Variants in SLC17A1 observed in about 807,000 individuals in gnomAD.
SLC17A1 encodes solute carrier family 17 member 1.
SLC17A1 carries 51 observed loss-of-function variants against 53.5 expected under a neutral mutation model. The ratio of observed to expected loss-of-function variants is 0.95; its 90% CI spans 0.76 to 1.20. SLC17A1 has a LOEUF of 1.20. Among genes scored for constraint, SLC17A1 ranks in the 50% most tolerant of loss-of-function variants. SLC17A1 has a pLI of 0.00. For synonymous variants in SLC17A1, 179 were observed against 198.8 expected, an observed-to-expected ratio of 0.90 and a Z score of 0.84; for missense variants, 538 against 568.2, an observed-to-expected ratio of 0.95 and a Z score of 0.54.
At chr6:25,782,437 G>T (rs115050039), downstream of SLC17A1, among the ~76,000 whole-genome samples, 318 of 152,266 alleles carry the variant, frequency 2.1e-3, 1 homozygote, top group Non-Finnish European at 3.7e-3. Flanking sequence ...TATACAGTAA[G>T]TGCCAGTAAA....
chr6:25,776,561 G>A, the SLC17A1 span: 1 of 1,566,000 alleles, frequency 6.4e-7, no homozygotes, highest in Non-Finnish European at 8.7e-7. Context: ...GGGTGGTAAG[G>A]GCACATGCAC....
chr6:25,727,320 C>T, the SLC17A1 span: 2 of 1,548,790 alleles, frequency 1.3e-6, no homozygotes, highest in South Asian at 1.3e-5. Flanking sequence ...CATTTCTAAC[C>T]CAAAGGCTCT....
At chr6:25,723,989 C>A in the SLC17A1 span, among the ~76,000 whole-genome samples, 1 of 152,070 alleles carries the variant, frequency 6.6e-6, no homozygotes, top group Non-Finnish European at 1.5e-5. Context: ...CAAACCAGTA[C>A]GAATATCAAG....
chr6:25,733,806 A>ATGTGTGTGTGTGTG, the SLC17A1 span, among the ~76,000 whole-genome samples: 220 of 133,984 alleles, frequency 1.6e-3, 1 homozygote, highest in African/African-American at 5.5e-3. Context: ...GTGTGTGTGT[A>ATGTGTGTGTGTGTG]TGTGTGTGTG....
chr6:25,775,038 A>G, the SLC17A1 span, among the ~76,000 whole-genome samples: 6 of 152,184 alleles, frequency 3.9e-5, no homozygotes, highest in East Asian at 7.7e-4. Flanking sequence ...CTATATTGAA[A>G]CATAGAGTGG....
chr6:25,822,706 C>T lies in SLC17A1; in HGVS notation c.208-2791G>A, dbSNP rs1458874422. Among the ~76,000 whole-genome samples, 3 of 151,896 alleles carry T rather than the reference C, an allele frequency of 2.0e-5. No individual in the cohort carries two copies. The South Asian group carries it at 6.2e-4, about 32-fold the overall frequency. ...ACAACTCCCGTGAGTAGCCATTTCTCTAGAATATGAGGTTCTCAGTATTTA... is the reference window on the plus strand; with the variant it reads ...ACAACTCCCGTGAGTAGCCATTTCTTTAGAATATGAGGTTCTCAGTATTTA... On this transcript the variant is annotated intron_variant, in intron 3 of 12. Transcript: ENST00000244527.
the SLC17A1 span, chr6:25,770,885 C>T: frequency 2.5e-5 from 38 of 1,490,668 alleles, no homozygotes; most frequent in Middle Eastern, 1.7e-4. Context: ...AGCCCCAAGA[C>T]GAGTCCTCTC....
intron 8 of SLC17A1, among the ~76,000 whole-genome samples, chr6:25,812,552 T>G (rs1764193945): frequency 6.6e-6 from 1 of 152,146 alleles, no homozygotes; most frequent in Non-Finnish European, 1.5e-5. Flanking sequence ...CCTTAAGTAA[T>G]ATACAAAGGG....
rs140000182 is a variant in SLC17A1 at position 25,808,757 on chromosome 6, G to A, written c.1178+2641C>T. ...TTATTAAAGTCAAAAACCAACAGAT[G>A]TTGATGAGGTTGCACAGAAAAAGCA... On this transcript the variant is annotated intron_variant, in intron 10 of 12. Coordinates refer to ENST00000244527, the MANE Select transcript of SLC17A1 (RefSeq NM_005074.5). Among the ~76,000 whole-genome samples the A allele has an allele frequency of 6.7e-3, 1,018 of 152,052 alleles. 37 individuals are homozygous for A. Among genetic ancestry groups the A allele is most frequent in the Non-Finnish European group, 1.7e-3 (113 of 67,912 alleles).
At chr6:25,768,493 G>A in the SLC17A1 span, 1 of 628,034 alleles carries the variant, frequency 1.6e-6, no homozygotes, top group African/African-American at 2.0e-5. Flanking sequence ...TCTAACCATA[G>A]CCTATCTTTC....
At chr6:25,727,477 T>G in the SLC17A1 span, among the ~76,000 whole-genome samples, 2 of 151,176 alleles carry the variant, frequency 1.3e-5, no homozygotes, top group African/African-American at 4.9e-5. Flanking sequence ...CTGCAAGCTC[T>G]GCCTCCTGAG....
At chr6:25,807,696 G>A (rs1764007508) in intron 10 of SLC17A1, among the ~76,000 whole-genome samples, 1 of 151,824 alleles carries the variant, frequency 6.6e-6, no homozygotes, top group Admixed American at 6.6e-5. Context: ...AGTTATAAGT[G>A]AGAACATAGA....
chr6:25,781,143 A>C (rs573948852), downstream of SLC17A1: 19 of 151,716 alleles, frequency 1.3e-4, no homozygotes, highest in African/African-American at 4.6e-4. Flanking sequence ...AAAGAATTCC[A>C]GTATTTAATG....
At position 25,830,624 on chromosome 6, in the gene SLC17A1, C is replaced by A. The variant is rs554536947; in HGVS notation, c.-50-17G>T. On this transcript the variant is annotated splice_polypyrimidine_tract_variant and intron_variant, in intron 1 of 12. Coordinates refer to ENST00000244527, the MANE Select transcript of SLC17A1 (RefSeq NM_005074.5). The stretch of plus-strand genomic sequence containing the variant: ...CTCCACCCACTGTGAGTGCAAAACA[C>A]GTTGATGTCAGCATAATGTAGAGAG... 51 of 1,585,248 alleles carry A rather than the reference C, an allele frequency of 3.2e-5. 1 individual carries two copies. The South Asian group carries it at 5.6e-4, about 18-fold the overall frequency.
At chr6:25,770,225 C>T in the SLC17A1 span, 31 of 1,613,942 alleles carry the variant, frequency 1.9e-5, no homozygotes, top group African/African-American at 3.9e-4. Context: ...CATTCCTGAC[C>T]CTCTTCATTC....
the SLC17A1 span, among the ~76,000 whole-genome samples, chr6:25,740,284 TTAGAAAAC>T: frequency 6.6e-6 from 1 of 152,164 alleles, no homozygotes; most frequent in African/African-American, 2.4e-5. Context: ...CCTCAGTTAC[TTAGAAAAC>T]TAAAATATGA....
At chr6:25,826,681 A>T (rs1346907738) in intron 2 of SLC17A1, 48 bp from the exon 3 acceptor site, 1 of 1,420,290 alleles carries the variant, frequency 7.0e-7, no homozygotes, top group East Asian at 2.5e-5. Context: ...GCTGAGATAA[A>T]AACATACTTT....
the SLC17A1 span, among the ~76,000 whole-genome samples, chr6:25,728,088 CAT>C: frequency 2.0e-5 from 3 of 152,046 alleles, no homozygotes; most frequent in Admixed American, 2.0e-4. Flanking sequence ...TAGCATTACA[CAT>C]AATAAAACTA....
chr6:25,822,383 T>C (rs1372875050), intron 3 of SLC17A1, among the ~76,000 whole-genome samples: 1 of 152,230 alleles, frequency 6.6e-6, no homozygotes, highest in Non-Finnish European at 1.5e-5. Context: ...GTTCCTTCCA[T>C]AGCTATAACT....
Sources: gnomAD v4.1 joint callset for allele counts (sites outside exome capture counted in the v4.1 genomes callset) on GRCh38, gnomAD v4.1.1 for gene constraint, MANE v1.5 for transcripts, NCBI Gene and HGNC (gene_info 2026-07-23, HGNC 2026-07-21) for gene names.